DNAJC14: variants seen among roughly 807,000 people sequenced by gnomAD.
DNAJC14 encodes the protein dnaJ homolog subfamily C member 14.
DNAJC14 carries 12 observed loss-of-function variants against 68.8 expected under a neutral mutation model. The ratio of observed to expected loss-of-function variants is 0.17; its 90% CI spans 0.11 to 0.28. The LOEUF is 0.28. Ranked by LOEUF, DNAJC14 falls within the 10% of genes least tolerant of loss-of-function variation. The probability of loss-of-function intolerance (pLI) is 1.00; values close to 1 mark genes in which losing one functional copy is unlikely to be tolerated. For missense variants in DNAJC14, 764 were observed against 875.6 expected (o/e 0.87, Z 1.61); for synonymous variants, 350 against 321.5 (o/e 1.09, Z -0.95).
intron 4 of DNAJC14, 115 bp from the exon 5 acceptor site, chr12:55,822,847 A>G: frequency 1.4e-6 from 2 of 1,425,794 alleles, no homozygotes; most frequent in African/African-American, 1.4e-5. Context: ...TACCCCACTT[A>G]GTATTTCATA....
chr12:55,827,781 A>C lies in DNAJC14; in HGVS notation c.878T>G (p.Val293Gly). 1 of 1,613,686 alleles carries C rather than the reference A, an allele frequency of 6.2e-7. No homozygotes were observed. Among genetic ancestry groups the C allele is most frequent in the Non-Finnish European group, 8.5e-7 (1 of 1,179,806 alleles). Residue 293 changes from valine to glycine, a missense_variant, in exon 2 of 7, where the codon GTG becomes GGG. Physicochemically the swap from Val to Gly is moderately radical, Grantham distance 109. Coordinates refer to ENST00000678005, the MANE Select transcript of DNAJC14 (RefSeq NM_032364.6). Reference sequence around the variant, plus strand: ...CCAGCCCCCTAACCGCCCTGTCCACACTCCCATCCAAACTCGAAAAAGGTC... The same window carrying C: ...CCAGCCCCCTAACCGCCCTGTCCACCCTCCCATCCAAACTCGAAAAAGGTC... ...DLDLFRVWMG[V>G]WTGRLGGWAQ...
chr12:55,822,797 T>G, intron 4 of DNAJC14, 65 bp from the exon 5 acceptor site: 15 of 1,573,332 alleles, frequency 9.5e-6, no homozygotes, highest in Non-Finnish European at 1.3e-5. Flanking sequence ...CTGCTAGTAG[T>G]CTTACCATTA....
At chr12:55,830,757 A>T (rs1033659317), upstream of DNAJC14, 4 of 152,758 alleles carry the variant, frequency 2.6e-5, no homozygotes, top group African/African-American at 7.2e-5. Context: ...GGGTCCCCCC[A>T]CACACACGGG....
intron 2 of DNAJC14, among the ~76,000 whole-genome samples, chr12:55,825,349 T>C (rs1032839229): frequency 2.6e-5 from 4 of 152,076 alleles, no homozygotes; most frequent in Non-Finnish European, 5.9e-5. Flanking sequence ...CTCCATACAC[T>C]CCAGTGTAAG....
chr12:55,828,685 G>C lies in DNAJC14; in HGVS notation c.-27C>G. Reference sequence around the variant, plus strand: ...ACCCCGGGGCTTCCTGAGGGTCTTAGGTCACAGCCATCATGGTGTGTTCTG... The same window carrying C: ...ACCCCGGGGCTTCCTGAGGGTCTTACGTCACAGCCATCATGGTGTGTTCTG... On this transcript the variant is annotated 5_prime_UTR_variant, in exon 2 of 7. Transcript: ENST00000678005. 1 of 1,595,908 alleles carries C rather than the reference G, an allele frequency of 6.3e-7. No homozygotes were observed. Among genetic ancestry groups the C allele is most frequent in the Non-Finnish European group, 8.5e-7 (1 of 1,169,872 alleles).
upstream of DNAJC14, chr12:55,829,616 G>A: frequency 1.0e-6 from 1 of 985,236 alleles, no homozygotes; most frequent in South Asian, 4.7e-5. Context: ...CGCGGCCGCC[G>A]GCGACCTGGG....
rs747530309 is a variant in DNAJC14, at chr12:55,828,355, C to G, written c.304G>C (p.Gly102Arg). ...TCTTTTGAGAGTTCCTGGTCCACTCCTGATTCTTCTTCTGAAGACGTCTCA... is the reference window on the plus strand; with the variant it reads ...TCTTTTGAGAGTTCCTGGTCCACTCGTGATTCTTCTTCTGAAGACGTCTCA... ...QSETSSEEES[G>R]VDQELSKENE... The change falls in exon 2 of 7, where the codon GGA becomes CGA. Residue 102 changes from glycine to arginine, a missense_variant. Gly to Arg is a moderately radical substitution (Grantham distance 125). Transcript: ENST00000678005. The G allele has an allele frequency of 6.8e-6, 11 of 1,614,094 alleles. No homozygotes were observed. The highest frequency in any genetic ancestry group is 8.5e-6 in the Non-Finnish European group (10 of 1,180,008).
intron 2 of DNAJC14, among the ~76,000 whole-genome samples, chr12:55,825,515 G>T (rs1565689381): frequency 6.7e-6 from 1 of 150,124 alleles, no homozygotes; most frequent in African/African-American, 2.4e-5. Context: ...AGCATAAGGT[G>T]CATGACAACT....
Position 55,827,458 on chromosome 12 carries a change from A to T in DNAJC14, c.1201T>A (p.Leu401Met), listed in dbSNP as rs1880827673. Residue 401 changes from leucine (L) to methionine (M), a missense_variant, in exon 2 of 7, where the codon TTG becomes ATG. This residue lies in a region of DNAJC14 where 514 missense variants were observed against 521.7 expected (regional missense o/e 0.99). Coordinates refer to ENST00000678005, the MANE Select transcript of DNAJC14 (RefSeq NM_032364.6). ...VRIVQWGWLELPWVKQNINRQ... is the reference protein window; with the variant it reads ...VRIVQWGWLEMPWVKQNINRQ... Reference sequence around the variant, plus strand: ...TTAATATTCTGCTTGACCCAAGGCAACTCCAGCCAGCCCCACTGAACTATT... The same window carrying T: ...TTAATATTCTGCTTGACCCAAGGCATCTCCAGCCAGCCCCACTGAACTATT... 1.9e-6 allele frequency: 3 copies of T among 1,603,058 alleles called. No homozygotes were observed. Among genetic ancestry groups the T allele is most frequent in the Non-Finnish European group, 2.6e-6 (3 of 1,172,428 alleles).
chr12:55,828,326 G>A lies in DNAJC14; in HGVS notation c.333C>T (p.Asn111=), dbSNP rs755933199. ...TCCCATCCTTCTGGTTCCCAGTCTC[G>A]TTTTCTTTTGAGAGTTCCTGGTCCA... is the stretch of plus-strand genomic sequence containing the variant. ...SGVDQELSKE[N]ETGNQKDGNS... Residue 111 remains asparagine (N), a synonymous_variant, in exon 2 of 7, where the codon AAC becomes AAT. Coordinates refer to ENST00000678005, the MANE Select transcript of DNAJC14 (RefSeq NM_032364.6). 3.1e-6 allele frequency: 5 copies of A among 1,613,436 alleles called. No individual in the cohort carries two copies. Among genetic ancestry groups the A allele is most frequent in the African/African-American group, 2.7e-5 (2 of 74,932 alleles).
intron 2 of DNAJC14, among the ~76,000 whole-genome samples, chr12:55,826,473 C>T (rs962692523): frequency 6.6e-6 from 1 of 151,638 alleles, no homozygotes; most frequent in East Asian, 2.0e-4. Flanking sequence ...AGCCACTGCA[C>T]CTGGCCCAAA....
intron 2 of DNAJC14, among the ~76,000 whole-genome samples, chr12:55,824,252 A>T (rs1307464155): frequency 6.6e-6 from 1 of 152,190 alleles, no homozygotes; most frequent in African/African-American, 2.4e-5. Flanking sequence ...TCATAAAATA[A>T]GAGTTCCAAA....
intron 4 of DNAJC14, 108 bp from the exon 5 acceptor site, chr12:55,822,840 C>T (rs574870268): frequency 7.2e-5 from 105 of 1,456,844 alleles, no homozygotes; most frequent in Middle Eastern, 5.5e-4. Flanking sequence ...CTAAAATTAC[C>T]CCACTTAGTA....
intron 4 of DNAJC14, 99 bp from the exon 5 acceptor site, chr12:55,822,831 T>A: frequency 6.8e-7 from 1 of 1,480,426 alleles, no homozygotes; most frequent in South Asian, 1.3e-5. Context: ...CTGAAACATC[T>A]AAAATTACCC....
chr12:55,829,557 C>T lies in DNAJC14; in HGVS notation c.-125G>A. On this transcript the variant is annotated 5_prime_UTR_variant, in exon 1 of 7. Transcript: ENST00000678005. ...GGGCCAGGGTGAGCTACGAGAGCCG[C>T]TCTCCCGGCTCCGCCTCCCGCTCAC... 1 of 985,490 alleles carries T rather than the reference C, an allele frequency of 1.0e-6. No individual in the cohort carries two copies. The highest frequency in any genetic ancestry group is 1.2e-6 in the Non-Finnish European group (1 of 829,956). The allele number at this position is 985,490 out of a possible 1,614,324, so 61.0% of individuals were successfully genotyped here. A position where few individuals can be genotyped will look rare whatever the true frequency, so the allele number is the denominator to read the frequency against.
rs1880915458 is a variant in DNAJC14, at chr12:55,829,578, C to T, written c.-146G>A. On this transcript the variant is annotated 5_prime_UTR_variant, in exon 1 of 7. Coordinates refer to ENST00000678005, the MANE Select transcript of DNAJC14 (RefSeq NM_032364.6). ...GCCGCTCTCCCGGCTCCGCCTCCCG[C>T]TCACGCTCTGCTTCCGCCTTCCGTC... 5 of 985,496 alleles carry T rather than the reference C, an allele frequency of 5.1e-6. No homozygotes were observed. The South Asian group carries it at 2.3e-4, about 46-fold the overall frequency. 61.0% of individuals were successfully genotyped at this position (985,496 alleles called of 1,614,324 possible).
chr12:55,828,721 CAG>C lies in DNAJC14; in HGVS notation c.-56-9_-56-8del. 3 of 1,522,410 alleles carry C rather than the reference CAG, an allele frequency of 2.0e-6. No individual in the cohort carries two copies. Among genetic ancestry groups the C allele is most frequent in the Non-Finnish European group, 2.6e-6 (3 of 1,133,824 alleles). 94.3% of individuals were successfully genotyped at this position (1,522,410 alleles called of 1,614,324 possible). ...TCATGGTGTGTTCTGATGCCTGTAACAGATATCAAGGTGGAGACAGTCAAGGA... is the reference window on the plus strand; with the variant it reads ...TCATGGTGTGTTCTGATGCCTGTAACATATCAAGGTGGAGACAGTCAAGGA... On this transcript the variant is annotated splice_region_variant and splice_polypyrimidine_tract_variant and intron_variant, in intron 1 of 6. Transcript: ENST00000678005.
rs1880912178 is a variant in DNAJC14, at chr12:55,829,524, C to T, written c.-92G>A. Reference sequence around the variant, plus strand: ...CGGTAACTCCTCCCCCTCGAGCCGCCCGGCCTGGGGCCAGGGTGAGCTACG... The same window carrying T: ...CGGTAACTCCTCCCCCTCGAGCCGCTCGGCCTGGGGCCAGGGTGAGCTACG... On this transcript the variant is annotated 5_prime_UTR_variant, in exon 1 of 7. Coordinates refer to ENST00000678005, the MANE Select transcript of DNAJC14 (RefSeq NM_032364.6). The T allele has an allele frequency of 1.0e-6, 1 of 985,430 alleles. No individual in the cohort carries two copies. Among genetic ancestry groups the T allele is most frequent in the Non-Finnish European group, 1.2e-6 (1 of 829,916 alleles). The allele number at this position is 985,430 out of a possible 1,614,324, so 61.0% of individuals were successfully genotyped here. A position where few individuals can be genotyped will look rare whatever the true frequency, so the allele number is the denominator to read the frequency against.
rs73119275 is a variant in DNAJC14, at chr12:55,824,784, T to C, written c.1408-1276A>G. On this transcript the variant is annotated intron_variant, in intron 2 of 6. Coordinates refer to ENST00000678005, the MANE Select transcript of DNAJC14 (RefSeq NM_032364.6). ...CTAAAAGAAAGTGAGAAAAGAGCTC[T>C]ACTACTAGTAGAATTAGTAACAATG... Among the ~76,000 whole-genome samples the C allele has an allele frequency of 9.9e-3, 1,500 of 152,282 alleles. 9 individuals carry two copies. The highest frequency in any genetic ancestry group is 0.015 in the Non-Finnish European group (1,044 of 68,026).
Sources: gnomAD v4.1 joint callset for allele counts (sites outside exome capture counted in the v4.1 genomes callset) on GRCh38, gnomAD v4.1.1 for gene constraint, gnomAD v4.1.1 regional missense constraint, MANE v1.5 for transcripts, NCBI Gene and HGNC (gene_info 2026-07-23, HGNC 2026-07-21) for gene names.